Variants in AURKA observed in about 807,000 individuals in gnomAD.
AURKA encodes the protein aurora 2.
AURKA carries 12 observed loss-of-function variants against 40.9 expected under a neutral mutation model. The observed-to-expected ratio is 0.29, with a 90% confidence interval of 0.19 to 0.48. The LOEUF is 0.48. Ranked by LOEUF, AURKA falls within the 20% of genes least tolerant of loss-of-function variation. The pLI is 0.99. For synonymous variants in AURKA, 170 were observed against 164.3 expected (o/e 1.03, Z -0.26); for missense variants, 322 against 462.1 (o/e 0.70, Z 2.78).
At chr20:56,389,320 C>G (rs1429534604) in intron 1 of AURKA, among the ~76,000 whole-genome samples, 1 of 152,182 alleles carries the variant, frequency 6.6e-6, no homozygotes, top group Non-Finnish European at 1.5e-5. Context: ...CTGCCCTAGT[C>G]TCTCCTTGGA....
Position 56,386,476 on chromosome 20 carries a change from G to C in AURKA, c.100C>G (p.Gln34Glu). 1 of 1,614,212 alleles carries C rather than the reference G, an allele frequency of 6.2e-7. No homozygotes were observed. The highest frequency in any genetic ancestry group is 1.1e-5 in the South Asian group (1 of 91,082). ...CCACTATTTACAGGTAATGGATTCTGACAAGGAAATTGCTGAGTCACGAGA... is the reference window on the plus strand; with the variant it reads ...CCACTATTTACAGGTAATGGATTCTCACAAGGAAATTGCTGAGTCACGAGA... ...RVLVTQQFPC[Q>E]NPLPVNSGQA... The change falls in exon 3 of 9, where the codon CAG becomes GAG. Residue 34 changes from glutamine (Q) to glutamate (E), a missense_variant. Gln to Glu is a conservative substitution (Grantham distance 29). Transcript: ENST00000395915.
chr20:56,373,107 C>A lies in AURKA; in HGVS notation c.854+301G>T, dbSNP rs948485279. The stretch of plus-strand genomic sequence containing the variant: ...CCTCCCACTCAACATGTGGGCACTT[C>A]ACCTCTGTCATATACGTGTCCTATC... On this transcript the variant is annotated intron_variant, in intron 7 of 8. Transcript: ENST00000395915. This position sits in a 1 kb window ranked among gnomAD's most constrained non-coding sequence, Gnocchi z 5.0. 2.0e-5 allele frequency among the ~76,000 whole-genome samples: 3 copies of A among 152,232 alleles called. No homozygotes were observed. Among genetic ancestry groups the A allele is most frequent in the Non-Finnish European group, 2.9e-5 (2 of 68,036 alleles).
rs2146117464 is a variant in AURKA, at chr20:56,370,108, T to C, written c.*50A>G. On this transcript the variant is annotated 3_prime_UTR_variant, in exon 9 of 9. Coordinates refer to ENST00000395915, the MANE Select transcript of AURKA (RefSeq NM_198437.3). ...AATAAACTTCAGTAGCATGTTCCTG[T>C]CAGGTTATATGGCAGCCCTGGCTCA... The C allele has an allele frequency of 6.2e-7, 1 of 1,600,148 alleles. No individual in the cohort carries two copies. Among genetic ancestry groups the C allele is most frequent in the African/African-American group, 1.3e-5 (1 of 74,724 alleles).
In AURKA at chr20:56,384,302, C is replaced by T; in HGVS notation, c.342G>A (p.Leu114=). 1 of 1,602,236 alleles carries T rather than the reference C, an allele frequency of 6.2e-7. No individual in the cohort carries two copies. Among genetic ancestry groups the T allele is most frequent in the Non-Finnish European group, 8.5e-7 (1 of 1,170,514 alleles). Residue 114 remains leucine, a synonymous_variant, in exon 4 of 9, where the codon CTG becomes CTA. Coordinates refer to ENST00000395915, the MANE Select transcript of AURKA (RefSeq NM_198437.3). ...SAPENNPEEE[L]ASKQKNEESK... ...ATTCTTCATTTTTCTGTTTTGATGCCAGTTCCTCCTCAGGATTATTTTCTA... is the reference window on the plus strand; with the variant it reads ...ATTCTTCATTTTTCTGTTTTGATGCTAGTTCCTCCTCAGGATTATTTTCTA...
chr20:56,380,147 G>T (rs926604026), intron 6 of AURKA, among the ~76,000 whole-genome samples: 4 of 151,612 alleles, frequency 2.6e-5, no homozygotes, highest in African/African-American at 4.8e-5. Context: ...ACAAGGTCAG[G>T]AGTTCAAGAC....
intron 1 of AURKA, among the ~76,000 whole-genome samples, chr20:56,390,206 T>C (rs943100596): frequency 5.3e-5 from 8 of 152,238 alleles, no homozygotes; most frequent in African/African-American, 1.7e-4. Flanking sequence ...CAAGGCTTTC[T>C]TTCTGCAAAT....
intron 7 of AURKA, among the ~76,000 whole-genome samples, 166 bp from the exon 8 acceptor site, chr20:56,370,825 G>A (rs1029522382): frequency 1.3e-5 from 2 of 152,136 alleles, no homozygotes; most frequent in Non-Finnish European, 2.9e-5. Context: ...CAGATGAAGC[G>A]AGGTGTGTAA....
In AURKA at chr20:56,381,452, T is replaced by A; in HGVS notation, c.686A>T (p.Asp229Val). The A allele has an allele frequency of 1.2e-6, 2 of 1,613,250 alleles. No individual in the cohort carries two copies. Among genetic ancestry groups the A allele is most frequent in the Non-Finnish European group, 1.7e-6 (2 of 1,179,942 alleles). Residue 229 changes from aspartate (D) to valine (V), a missense_variant, in exon 6 of 9, where the codon GAT becomes GTT. Physicochemically the swap from Asp to Val is radical, Grantham distance 152. Transcript: ENST00000395915. ...ACTTACAGTAGCAGTTCTCTGCTCA[T>A]CAAACTTTGAAAGTTTCTGAAGTTC... ...YRELQKLSKF[D>V]EQRTATYITE... is the part of the protein sequence containing the mutation.
chr20:56,376,987 G>A (rs560676843), intron 6 of AURKA, among the ~76,000 whole-genome samples: 2 of 152,146 alleles, frequency 1.3e-5, no homozygotes, highest in South Asian at 4.1e-4. Context: ...GGCTGAGGCA[G>A]GAGAACTGCT....
At chr20:56,380,309 A>G (rs1164389742) in intron 6 of AURKA, among the ~76,000 whole-genome samples, 2 of 146,158 alleles carry the variant, frequency 1.4e-5, no homozygotes, top group African/African-American at 5.0e-5. Context: ...GAGCCAAGAT[A>G]GCGCCACTGC....
In AURKA at chr20:56,381,622, CTA is replaced by C. The variant is rs766504541; in HGVS notation, c.567-53_567-52del. On this transcript the variant is annotated intron_variant, in intron 5 of 8. Coordinates refer to ENST00000395915, the MANE Select transcript of AURKA (RefSeq NM_198437.3). ...CACTTGGTTTGGAGCTCACAGAAGA[CTA>C]TGTACAAAATGTCAAACAAACTCTT... 27 of 1,606,450 alleles carry C rather than the reference CTA, an allele frequency of 1.7e-5. 1 individual carries two copies. In the South Asian group the frequency reaches 3.0e-4, roughly 18 times the overall value.
intron 4 of AURKA, 80 bp from the exon 5 acceptor site, chr20:56,383,256 C>A: frequency 6.9e-7 from 1 of 1,448,554 alleles, no homozygotes; most frequent in South Asian, 1.2e-5. Context: ...CAGACACATT[C>A]TACAAATAAT....
chr20:56,390,602 C>G (rs1431981724), intron 1 of AURKA: 1 of 152,092 alleles, frequency 6.6e-6, no homozygotes, highest in Non-Finnish European at 1.5e-5. Context: ...CCACCGCGCC[C>G]GGCCTTCACT....
At chr20:56,382,881 T>C (rs1387831886) in intron 5 of AURKA, 104 bp downstream of exon 5, 7 of 1,263,546 alleles carry the variant, frequency 5.5e-6, no homozygotes, top group Non-Finnish European at 8.1e-6. Flanking sequence ...CAGTGCCTCG[T>C]AAGAGGGAGT....
intron 7 of AURKA, among the ~76,000 whole-genome samples, chr20:56,372,533 T>TAAAAAAAAAA (rs10716404): frequency 8.2e-6 from 1 of 121,662 alleles, no homozygotes; most frequent in Non-Finnish European, 1.7e-5. Context: ...ACAACCAGTT[T>TAAAAAAAAAA]AAAAAAAAAA....
At chr20:56,376,731 C>CA (rs903263525) in intron 6 of AURKA, among the ~76,000 whole-genome samples, 6 of 152,020 alleles carry the variant, frequency 3.9e-5, no homozygotes, top group Admixed American at 3.9e-4. Flanking sequence ...AAAGGAGAAG[C>CA]AAAAAAGCAC....
chr20:56,392,009 G>C (rs732417), intron 1 of AURKA, 159 bp downstream of exon 1: 12,916 of 148,350 alleles, frequency 0.087, 671 homozygotes, highest in African/African-American at 0.14. Flanking sequence ...CGGATGCAAA[G>C]GCGCTGGGCG....
chr20:56,383,270 G>T (rs528993129), intron 4 of AURKA, 94 bp from the exon 5 acceptor site: 3 of 1,350,126 alleles, frequency 2.2e-6, no homozygotes, highest in African/African-American at 2.9e-5. Flanking sequence ...AAATAATTTC[G>T]TATTCCAACT....
rs901856033 is a variant in AURKA, at chr20:56,370,095, T to C, written c.*63A>G. 11 of 1,582,350 alleles carry C rather than the reference T, an allele frequency of 7.0e-6. No homozygotes were observed. The highest frequency in any genetic ancestry group is 9.5e-6 in the Non-Finnish European group (11 of 1,153,210). ...CAGTCAATGGTAAAATAAACTTCAG[T>C]AGCATGTTCCTGTCAGGTTATATGG... is the stretch of plus-strand genomic sequence containing the variant. On this transcript the variant is annotated 3_prime_UTR_variant, in exon 9 of 9. Transcript: ENST00000395915.
Sources: allele counts gnomAD v4.1 joint callset (sites outside exome capture counted in the v4.1 genomes callset), GRCh38; gene constraint gnomAD v4.1.1; non-coding constraint Gnocchi (gnomAD v3.1); transcripts MANE v1.5; gene names NCBI Gene and HGNC (gene_info 2026-07-23, HGNC 2026-07-21).